PLB1: variants seen among roughly 807,000 people sequenced by gnomAD.
PLB1 encodes phospholipase B1, membrane-associated.
In PLB1, 242 loss-of-function variants were observed where a neutral mutation model predicts 227.4. The ratio of observed to expected loss-of-function variants is 1.06; its 90% confidence interval spans 0.96 to 1.18. The LOEUF (loss-of-function observed/expected upper bound fraction) is 1.18. PLB1 is among the 50% of genes most tolerant of loss of function. PLB1 has a pLI of 0.00. For missense variants in PLB1, 1,858 were observed against 1,816.3 expected (o/e 1.02, Z -0.42); for synonymous variants, 757 against 682.2 (o/e 1.11, Z -1.71).
In PLB1 at chr2:28,630,884, C is replaced by T. The variant is rs73924321; in HGVS notation, c.3897+220C>T. Among the ~76,000 whole-genome samples, 569 of 152,270 alleles carry T rather than the reference C, an allele frequency of 3.7e-3. 5 individuals are homozygous for T. Among genetic ancestry groups the T allele is most frequent in the African/African-American group, 0.013 (541 of 41,550 alleles). ...AGCTGAGAAAATCCCCTTCTCCCAG[C>T]GGGTAGGCAGCAAGAGATTCCCAGA... On this transcript the variant is annotated intron_variant, in intron 54 of 57. Transcript: ENST00000327757.
chr2:28,592,874 C>A, intron 32 of PLB1, 155 bp downstream of exon 32: 1 of 643,268 alleles, frequency 1.6e-6, no homozygotes, highest in Non-Finnish European at 2.6e-6. Context: ...ATTTGATTTG[C>A]GGCCACTTTC....
At chr2:28,522,805 C>G (rs912307270) in intron 4 of PLB1, among the ~76,000 whole-genome samples, 1 of 152,210 alleles carries the variant, frequency 6.6e-6, no homozygotes, top group Admixed American at 6.5e-5. Context: ...CCTCGAACTT[C>G]AGGATAAAAA....
At chr2:28,582,842 C>T (rs1467536188) in intron 25 of PLB1, among the ~76,000 whole-genome samples, 1 of 152,140 alleles carries the variant, frequency 6.6e-6, no homozygotes, top group East Asian at 1.9e-4. Context: ...ACCGCCCAGG[C>T]CACTGCTGGG....
chr2:28,615,314 C>A (rs6731076), intron 44 of PLB1, among the ~76,000 whole-genome samples: 22,204 of 152,026 alleles, frequency 0.15, 2,158 homozygotes, highest in African/African-American at 0.28. Flanking sequence ...CTGAGTAAAA[C>A]CACTGGATTT....
At chr2:28,634,412 T>G (rs1181873583) in intron 56 of PLB1, among the ~76,000 whole-genome samples, 1 of 152,174 alleles carries the variant, frequency 6.6e-6, no homozygotes, top group Non-Finnish European at 1.5e-5. Context: ...CCCTGTTCCT[T>G]TTCCCCTGAG....
intron 21 of PLB1, among the ~76,000 whole-genome samples, chr2:28,576,999 G>A (rs1033978804): frequency 6.6e-6 from 1 of 152,196 alleles, no homozygotes; most frequent in African/African-American, 2.4e-5. Flanking sequence ...AATGATGATG[G>A]TGGTAATGAT....
intron 35 of PLB1, among the ~76,000 whole-genome samples, chr2:28,599,919 T>C (rs573697839): frequency 6.6e-6 from 1 of 151,656 alleles, no homozygotes; most frequent in Admixed American, 6.6e-5. Flanking sequence ...TGGCCTTTTT[T>C]TGTTTTTAAG....
In PLB1 at chr2:28,532,207, C is replaced by CT. The variant is rs1344209525; in HGVS notation, c.555+15dup. The CT allele has an allele frequency of 6.3e-7, 1 of 1,598,218 alleles. No individual in the cohort carries two copies. The highest frequency in any genetic ancestry group is 1.1e-5 in the South Asian group (1 of 89,818). On this transcript the variant is annotated intron_variant, in intron 9 of 57. Transcript: ENST00000327757. ...CTCTGCTCAACAGGTAAATGGCAGC[C>CT]TTGGGGACCAAGGGATTACAGATGC...
chr2:28,529,783 A>T lies in PLB1; in HGVS notation c.468+4A>T, dbSNP rs1368087765. On this transcript the variant is annotated splice_donor_region_variant and intron_variant, in intron 8 of 57. Coordinates refer to ENST00000327757, the MANE Select transcript of PLB1 (RefSeq NM_153021.5). The stretch of plus-strand genomic sequence containing the variant: ...GAGAAACATGAAAGAGAACCTGGTA[A>T]GCATCCGTCCAACTCTGGCATGGCT... 1 of 1,614,030 alleles carries T rather than the reference A, an allele frequency of 6.2e-7. No individual in the cohort carries two copies. Among genetic ancestry groups the T allele is most frequent in the Non-Finnish European group, 8.5e-7 (1 of 1,179,920 alleles).
rs34320310 is a variant in PLB1 at position 28,542,132 on chromosome 2, C to CA, written c.879+338dup. On this transcript the variant is annotated intron_variant, in intron 13 of 57. Coordinates refer to ENST00000327757, the MANE Select transcript of PLB1 (RefSeq NM_153021.5). ...TGGGCAGTAGAACGAGACTCAGTCT[C>CA]AAAAAAAAAAAAAAAAAGTGTGAAG... Among the ~76,000 whole-genome samples the CA allele has an allele frequency of 5.8e-3, 730 of 125,786 alleles. 5 individuals are homozygous for CA. Among genetic ancestry groups the CA allele is most frequent in the African/African-American group, 0.019 (610 of 32,198 alleles). The allele number at this position is 125,786 out of a possible 152,430, so 82.5% of individuals were successfully genotyped here.
chr2:28,614,012 G>A lies in PLB1; in HGVS notation c.3130-19G>A, dbSNP rs763068113. 21 of 1,598,492 alleles carry A rather than the reference G, an allele frequency of 1.3e-5. No homozygotes were observed. In the East Asian group the frequency reaches 4.2e-4, roughly 32 times the overall value. On this transcript the variant is annotated intron_variant, in intron 43 of 57. Transcript: ENST00000327757. Reference sequence around the variant, plus strand: ...CAGTGCTGTCAGATAACTTCTCCATGTGTTTTTTTTTCTCTTAGAATGAGC... The same window carrying A: ...CAGTGCTGTCAGATAACTTCTCCATATGTTTTTTTTTCTCTTAGAATGAGC...
At chr2:28,496,262 G>A in intron 1 of PLB1, 93 bp downstream of exon 1, 1 of 1,269,946 alleles carries the variant, frequency 7.9e-7, no homozygotes, top group African/African-American at 1.5e-5. Flanking sequence ...AGGAGTGTGT[G>A]CTTTTGAAGA....
intron 51 of PLB1, 88 bp downstream of exon 51, chr2:28,626,596 C>A (rs1573532405): frequency 1.5e-6 from 1 of 663,378 alleles, no homozygotes; most frequent in African/African-American, 2.4e-5. Flanking sequence ...TGGCCCTGCC[C>A]CGAGCTCCTT....
intron 11 of PLB1, among the ~76,000 whole-genome samples, chr2:28,540,100 C>A (rs535230211): frequency 6.7e-6 from 1 of 148,648 alleles, no homozygotes; most frequent in East Asian, 2.0e-4. Context: ...CCCTCCATCC[C>A]ATATCGACCC....
chr2:28,572,881 A>G (rs922616167), intron 20 of PLB1, among the ~76,000 whole-genome samples: 1 of 152,242 alleles, frequency 6.6e-6, no homozygotes, highest in African/African-American at 2.4e-5. Flanking sequence ...TATACTTTCA[A>G]TTGGTAAATT....
intron 17 of PLB1, among the ~76,000 whole-genome samples, chr2:28,555,624 TATAAG>T (rs1018254236): frequency 3.3e-5 from 5 of 152,220 alleles, no homozygotes; most frequent in African/African-American, 4.8e-5. Context: ...ATATATGTCT[TATAAG>T]AGGAGATCAT....
chr2:28,628,143 C>A (rs933961974), intron 51 of PLB1, among the ~76,000 whole-genome samples: 1 of 152,248 alleles, frequency 6.6e-6, no homozygotes, highest in Non-Finnish European at 1.5e-5. Context: ...CACAGGAGAG[C>A]AAAACATTTC....
chr2:28,524,842 C>CTAT (rs1670008632), intron 4 of PLB1, among the ~76,000 whole-genome samples: 2 of 124,648 alleles, frequency 1.6e-5, no homozygotes, highest in Admixed American at 7.7e-5. Context: ...CTCTCTCTCT[C>CTAT]TCTTTTTTTT....
chr2:28,559,857 T>C (rs1675769647), intron 17 of PLB1, among the ~76,000 whole-genome samples: 1 of 144,728 alleles, frequency 6.9e-6, no homozygotes, highest in East Asian at 2.2e-4. Context: ...GTTCAAGCAA[T>C]TCTCATGCCT....
Sources: allele counts gnomAD v4.1 joint callset (sites outside exome capture counted in the v4.1 genomes callset), GRCh38; gene constraint gnomAD v4.1.1; transcripts MANE v1.5; gene names NCBI Gene and HGNC (gene_info 2026-07-23, HGNC 2026-07-21).